Variants in U2SURP observed in about 807,000 individuals in gnomAD.
The protein encoded by U2SURP is U2 snRNP associated SURP domain containing, also known as U2 snRNP-associated SURP motif-containing protein.
Under a neutral mutation model 144.9 loss-of-function variants are expected in U2SURP, and 9 were observed. The observed-to-expected ratio is 0.06, with a 90% CI of 0.04 to 0.11. The LOEUF is 0.11. Among genes scored for constraint, U2SURP ranks in the 10% least tolerant of loss-of-function variants. The pLI is 1.00. For synonymous variants in U2SURP, 408 were observed against 396.8 expected (o/e 1.03, Z -0.33); for missense variants, 724 against 1,226.7 (o/e 0.59, Z 6.12).
At chr3:143,018,871 GCC>G (rs1398902425) in intron 6 of U2SURP, among the ~76,000 whole-genome samples, 1 of 152,164 alleles carries the variant, frequency 6.6e-6, no homozygotes, top group Admixed American at 6.5e-5. Context: ...GTTGTGGTGA[GCC>G]AAGATCACAG....
At chr3:143,026,498 A>G (rs535275688) in intron 13 of U2SURP, 1 of 152,242 alleles carries the variant, frequency 6.6e-6, no homozygotes, top group East Asian at 1.9e-4. Context: ...AGAATTATCT[A>G]TTTCATGAAT....
At chr3:143,034,735 G>A (rs1164421016) in intron 18 of U2SURP, 153 bp from the exon 19 acceptor site, 6 of 557,208 alleles carry the variant, frequency 1.1e-5, no homozygotes, top group South Asian at 4.6e-5. Flanking sequence ...ATTCAGTTAC[G>A]GTTTTAGAGT....
At chr3:143,031,319 A>G (rs993913527) in intron 16 of U2SURP, among the ~76,000 whole-genome samples, 8 of 152,204 alleles carry the variant, frequency 5.3e-5, no homozygotes, top group Non-Finnish European at 8.8e-5. Flanking sequence ...ACAAACAACA[A>G]CTCATGCTGC....
At chr3:143,045,225 C>T (rs891741738) in intron 24 of U2SURP, among the ~76,000 whole-genome samples, 4 of 151,892 alleles carry the variant, frequency 2.6e-5, no homozygotes, top group African/African-American at 9.7e-5. Flanking sequence ...AAAAATTAGC[C>T]GGGCATGGTG....
rs1188667960 is a variant in U2SURP, at chr3:143,012,694, T to C, written c.222+341T>C. 3.3e-5 allele frequency among the ~76,000 whole-genome samples: 5 copies of C among 152,194 alleles called. No homozygotes were observed. The East Asian group carries it at 9.6e-4, about 29-fold the overall frequency. ...CCAGTTACTGGAAATGCACAGATCA[T>C]TGAAACACTGTTCGTGTTCCCACTG... On this transcript the variant is annotated intron_variant, in intron 3 of 27. Transcript: ENST00000473835.
At chr3:143,046,093 T>C (rs927212724) in intron 24 of U2SURP, among the ~76,000 whole-genome samples, 1 of 151,996 alleles carries the variant, frequency 6.6e-6, no homozygotes, top group Admixed American at 6.6e-5. Context: ...CTATAGTATA[T>C]ATACTGTAAT....
Position 143,037,208 on chromosome 3 carries a change from C to T in U2SURP, c.2094C>T (p.Pro698=), listed in dbSNP as rs774347985. The change falls in exon 21 of 28, where the codon CCC becomes CCT. Residue 698 remains proline (P), a synonymous_variant. Transcript: ENST00000473835. The stretch of plus-strand genomic sequence containing the variant: ...TTCCAGATGACCTTGATGGTGCCCC[C>T]ATCGAGGAAGAGCTTGATGGTGCAC... The part of the protein sequence containing the change: ...EDVPDDLDGA[P]IEEELDGAPL... The T allele has an allele frequency of 1.3e-5, 21 of 1,612,060 alleles. No individual in the cohort carries two copies. Among genetic ancestry groups the T allele is most frequent in the Non-Finnish European group, 1.6e-5 (19 of 1,179,058 alleles).
chr3:143,035,263 A>G (rs1933750616), intron 19 of U2SURP, among the ~76,000 whole-genome samples: 1 of 152,194 alleles, frequency 6.6e-6, no homozygotes, highest in Non-Finnish European at 1.5e-5. Context: ...GTAATGGTAT[A>G]TACTATTTGG....
At chr3:143,046,297 A>ATTTTTTTTTTTTTTTTTTTTTT (rs11400849) in intron 24 of U2SURP, among the ~76,000 whole-genome samples, 5 of 106,414 alleles carry the variant, frequency 4.7e-5, no homozygotes, top group East Asian at 3.3e-4. Context: ...TTTATTTTTT[A>ATTTTTTTTTTTTTTTTTTTTTT]TTTTTTTTTA....
chr3:143,022,959 C>T lies in U2SURP; in HGVS notation c.1125C>T (p.Pro375=), dbSNP rs367649132. Residue 375 remains proline (P), a synonymous_variant, in exon 12 of 28, where the codon CCC becomes CCT. Transcript: ENST00000473835. ...IPPSMMEHTL[P]PPPSGLPFNA... is the part of the protein sequence containing the mutation. Reference sequence around the variant, plus strand: ...CTTCTATGATGGAACATACGCTTCCCCCACCTCCATCCGGACTGCCTTTTA... The same window carrying T: ...CTTCTATGATGGAACATACGCTTCCTCCACCTCCATCCGGACTGCCTTTTA... 2.4e-5 allele frequency: 38 copies of T among 1,612,312 alleles called. No individual in the cohort carries two copies. The African/African-American group carries it at 4.0e-4, about 17-fold the overall frequency.
At chr3:143,017,195 T>G (rs549496791) in intron 6 of U2SURP, 6 of 398,804 alleles carry the variant, frequency 1.5e-5, no homozygotes, top group Non-Finnish European at 2.7e-5. Flanking sequence ...GCAGTGAACA[T>G]TTGCTATTTA....
intron 19 of U2SURP, 76 bp from the exon 20 acceptor site, chr3:143,035,906 T>C (rs911451962): frequency 7.0e-7 from 1 of 1,437,852 alleles, no homozygotes; most frequent in Non-Finnish European, 9.2e-7. Context: ...CAAATCTTGA[T>C]GATCATTCTC....
intron 6 of U2SURP, among the ~76,000 whole-genome samples, chr3:143,018,197 A>T (rs1936466675): frequency 6.7e-6 from 1 of 148,500 alleles, no homozygotes; most frequent in Non-Finnish European, 1.5e-5. Flanking sequence ...AGTCACTCCC[A>T]TTTTTTTTTT....
intron 24 of U2SURP, among the ~76,000 whole-genome samples, chr3:143,047,884 C>CT (rs1309467921): frequency 2.0e-5 from 3 of 149,158 alleles, no homozygotes; most frequent in Admixed American, 2.0e-4. Context: ...GGGGGCTGAC[C>CT]CCCCCCAACC....
rs768626719 is a variant in U2SURP at position 143,034,847 on chromosome 3, T to C, written c.1854-41T>C. On this transcript the variant is annotated intron_variant, in intron 18 of 27. Transcript: ENST00000473835. ...TGGCATGCTAAAAGGGAAAGGAATT[T>C]TAAACATTTTATTTTAAAGAATGTG... 2.2e-6 allele frequency: 3 copies of C among 1,343,602 alleles called. No homozygotes were observed. In the African/African-American group the frequency reaches 4.4e-5, roughly 20 times the overall value. 83.2% of individuals were successfully genotyped at this position (1,343,602 alleles called of 1,614,324 possible).
chr3:143,056,473 A>T lies in U2SURP; in HGVS notation c.*23A>T, dbSNP rs201223643. On this transcript the variant is annotated 3_prime_UTR_variant, in exon 28 of 28. Transcript: ENST00000473835. ...TGACGTAAATTTTTAAGATGCTGTC[A>T]CTTATTGGAAATGCGATTTGTTTTG... The T allele has an allele frequency of 1.3e-3, 2,057 of 1,607,250 alleles. 3 individuals are homozygous for T. The highest frequency in any genetic ancestry group is 1.6e-3 in the Non-Finnish European group (1,889 of 1,177,206).
In U2SURP at chr3:143,015,274, AT is replaced by A. The variant is rs144568043; in HGVS notation, c.321+872del. On this transcript the variant is annotated intron_variant, in intron 4 of 27. Coordinates refer to ENST00000473835, the MANE Select transcript of U2SURP (RefSeq NM_001080415.2). ...TGAACTGTCTGCTCATATCTGAACC[AT>A]TTTTTTCTATAAGTTATATTAACAC... is the stretch of plus-strand genomic sequence containing the variant. 3.0e-3 allele frequency among the ~76,000 whole-genome samples: 463 copies of A among 152,010 alleles called. 6 individuals are homozygous for A. Among genetic ancestry groups the A allele is most frequent in the African/African-American group, 0.011 (440 of 41,502 alleles).
chr3:143,007,768 T>C (rs545571831), intron 1 of U2SURP, among the ~76,000 whole-genome samples: 1 of 152,110 alleles, frequency 6.6e-6, no homozygotes, highest in Non-Finnish European at 1.5e-5. Context: ...TTAGGCATCA[T>C]TGGTTTGTGT....
At chr3:143,011,822 T>TTA in intron 2 of U2SURP, 1 of 391,800 alleles carries the variant, frequency 2.6e-6, no homozygotes, top group South Asian at 1.9e-5. Flanking sequence ...ACACTTATGC[T>TTA]TACCAAAATG....
Sources: allele counts gnomAD v4.1 joint callset (sites outside exome capture counted in the v4.1 genomes callset), GRCh38; gene constraint gnomAD v4.1.1; transcripts MANE v1.5; gene names NCBI Gene and HGNC (gene_info 2026-07-23, HGNC 2026-07-21).